The following PLEKHA2 variants were observed in gnomAD, a reference collection of about 807,000 sequenced individuals.
PLEKHA2 encodes the protein pleckstrin homology domain containing A2.
PLEKHA2 carries 28 observed loss-of-function variants against 53.2 expected under a neutral mutation model. The observed-to-expected ratio is 0.53, with a 90% CI of 0.39 to 0.72. PLEKHA2 has a LOEUF of 0.72. PLEKHA2 is among the 30% of genes least tolerant of loss of function. The pLI is 0.00. For synonymous variants in PLEKHA2, 193 were observed against 196.4 expected (o/e 0.98, Z 0.14); for missense variants, 426 against 537.9 (o/e 0.79, Z 2.06).
intron 2 of PLEKHA2, among the ~76,000 whole-genome samples, chr8:38,931,092 A>G (rs951226460): frequency 3.9e-5 from 6 of 152,166 alleles, no homozygotes; most frequent in Non-Finnish European, 7.4e-5. Flanking sequence ...AGCCTGGCCA[A>G]TATGGTGAAA....
In PLEKHA2 at chr8:38,957,367, C is replaced by G. The variant is rs748008932; in HGVS notation, c.818C>G (p.Ser273Cys). 2 of 1,613,214 alleles carry G rather than the reference C, an allele frequency of 1.2e-6. No homozygotes were observed. Among genetic ancestry groups the G allele is most frequent in the South Asian group, 2.2e-5 (2 of 91,072 alleles). Residue 273 changes from serine to cysteine, a missense_variant, in exon 10 of 12, where the codon TCC (serine) becomes TGC (cysteine). Coordinates refer to ENST00000617275, the MANE Select transcript of PLEKHA2 (RefSeq NM_021623.2). The part of the protein sequence containing the change: ...RDNLFEIITS[S>C]RTFYVQADSP... The stretch of plus-strand genomic sequence containing the variant: ...AACCTGTTTGAAATAATAACAAGCT[C>G]CAGGACCTTCTACGTACAGGTAAAA...
chr8:38,942,461 C>A lies in PLEKHA2; in HGVS notation c.199-1328C>A, dbSNP rs1359387689. Among the ~76,000 whole-genome samples, 6 of 152,278 alleles carry A rather than the reference C, an allele frequency of 3.9e-5. No homozygotes were observed. In the East Asian group the frequency reaches 9.7e-4, roughly 25 times the overall value. ...CTCAAAGAAAGAAAACCCAAAAAAA[C>A]CCCACAAACAAATAAAATAAAGTGG... On this transcript the variant is annotated intron_variant, in intron 3 of 11. Coordinates refer to ENST00000617275, the MANE Select transcript of PLEKHA2 (RefSeq NM_021623.2).
intron 1 of PLEKHA2, chr8:38,902,115 C>G (rs1253083356): frequency 6.6e-6 from 1 of 151,898 alleles, no homozygotes; most frequent in Non-Finnish European, 1.5e-5. Flanking sequence ...CTGTCGTTCT[C>G]TCTCTCACCA....
intron 2 of PLEKHA2, among the ~76,000 whole-genome samples, chr8:38,924,765 G>T (rs993600837): frequency 6.6e-6 from 1 of 152,206 alleles, no homozygotes; most frequent in African/African-American, 2.4e-5. Flanking sequence ...TACGGTGGGG[G>T]TGTGTTGGGG....
chr8:38,947,762 G>T (rs984816039), intron 5 of PLEKHA2, among the ~76,000 whole-genome samples: 2 of 152,024 alleles, frequency 1.3e-5, no homozygotes, highest in African/African-American at 4.8e-5. Context: ...CCAAGCTTCT[G>T]TGCCTCCTTT....
intron 1 of PLEKHA2, among the ~76,000 whole-genome samples, chr8:38,915,258 C>T (rs1056734668): frequency 3.9e-5 from 6 of 152,338 alleles, no homozygotes; most frequent in African/African-American, 1.4e-4. Context: ...GGACTTTGTT[C>T]TGATTCCTCA....
intron 1 of PLEKHA2, among the ~76,000 whole-genome samples, chr8:38,905,303 GA>G (rs139519082): frequency 3.5e-4 from 53 of 151,894 alleles, no homozygotes; most frequent in African/African-American, 1.2e-3. Flanking sequence ...ACAAAAAATT[GA>G]AAAATTAGCT....
At chr8:38,942,574 A>C (rs888345264) in intron 3 of PLEKHA2, among the ~76,000 whole-genome samples, 3 of 152,148 alleles carry the variant, frequency 2.0e-5, no homozygotes, top group Admixed American at 2.0e-4. Context: ...TCAGGGGAGG[A>C]CTGTGACATC....
Position 38,948,902 on chromosome 8 carries a change from G to A in PLEKHA2, c.346-1948G>A, listed in dbSNP as rs577438127. Among the ~76,000 whole-genome samples the A allele has an allele frequency of 6.8e-4, 104 of 152,224 alleles. 3 individuals carry two copies. In the South Asian group the frequency reaches 0.021, roughly 30 times the overall value. On this transcript the variant is annotated intron_variant, in intron 5 of 11. Transcript: ENST00000617275. The stretch of plus-strand genomic sequence containing the variant: ...TGTTTTTGTTTTGAAACGGAGTCTC[G>A]CTCTATAGCCCAGGCTGGAGTGCAA...
chr8:38,915,612 AT>A (rs1834046665), intron 1 of PLEKHA2, among the ~76,000 whole-genome samples: 1 of 152,212 alleles, frequency 6.6e-6, no homozygotes, highest in African/African-American at 2.4e-5. Flanking sequence ...ATATAGCCAC[AT>A]TTTGAGGGCC....
At chr8:38,909,004 G>A (rs1159306397) in intron 1 of PLEKHA2, among the ~76,000 whole-genome samples, 2 of 152,216 alleles carry the variant, frequency 1.3e-5, no homozygotes, top group East Asian at 1.9e-4. Context: ...TCAGCTGGGC[G>A]TGGTGGTGCA....
intron 10 of PLEKHA2, among the ~76,000 whole-genome samples, chr8:38,963,850 C>T (rs1835084699): frequency 6.6e-6 from 1 of 152,096 alleles, no homozygotes; most frequent in African/African-American, 2.4e-5. Flanking sequence ...TCTAGGTTAT[C>T]TGACCGAAAA....
intron 1 of PLEKHA2, among the ~76,000 whole-genome samples, chr8:38,906,632 C>A (rs1350849491): frequency 6.6e-6 from 1 of 152,356 alleles, no homozygotes; most frequent in East Asian, 1.9e-4. Context: ...TCCCGCCTTA[C>A]ACTATTTGGA....
intron 2 of PLEKHA2, among the ~76,000 whole-genome samples, chr8:38,926,921 A>AAACC (rs1010310372): frequency 7.9e-5 from 12 of 152,322 alleles, no homozygotes; most frequent in African/African-American, 2.6e-4. Flanking sequence ...ATCTCAAAAA[A>AAACC]AACCAACCAA....
chr8:38,922,198 A>T lies in PLEKHA2; in HGVS notation c.141+4128A>T, dbSNP rs952277088. 1.3e-5 allele frequency among the ~76,000 whole-genome samples: 2 copies of T among 152,166 alleles called. No individual in the cohort carries two copies. Among genetic ancestry groups the T allele is most frequent in the African/African-American group, 2.4e-5 (1 of 41,448 alleles). ...CAGGCGTCTAAGGGTGACTTGGAGGATGAAGAGCCTGCAAAGGTAGTTTCT... is the reference window on the plus strand; with the variant it reads ...CAGGCGTCTAAGGGTGACTTGGAGGTTGAAGAGCCTGCAAAGGTAGTTTCT... On this transcript the variant is annotated intron_variant, in intron 2 of 11. Coordinates refer to ENST00000617275, the MANE Select transcript of PLEKHA2 (RefSeq NM_021623.2). This position sits in a 1 kb window ranked among gnomAD's most constrained non-coding sequence, Gnocchi z 4.0.
At position 38,971,413 on chromosome 8, in the gene PLEKHA2, G is replaced by A. The variant is rs1206849814; in HGVS notation, c.*1630G>A. 2.0e-5 allele frequency: 3 copies of A among 152,536 alleles called. No individual in the cohort carries two copies. The highest frequency in any genetic ancestry group is 6.6e-5 in the Admixed American group (1 of 15,266). The allele number at this position is 152,536 out of a possible 1,614,324, so 9.4% of individuals were successfully genotyped here. ...ATCGAGGTTATGACATACTTGGAGC[G>A]GCATGATTTCAAGAAGCCATTCCAA... On this transcript the variant is annotated 3_prime_UTR_variant, in exon 12 of 12. Coordinates refer to ENST00000617275, the MANE Select transcript of PLEKHA2 (RefSeq NM_021623.2).
In PLEKHA2 at chr8:38,969,512, C is replaced by A; in HGVS notation, c.1007C>A (p.Pro336Gln). The A allele has an allele frequency of 6.2e-7, 1 of 1,613,724 alleles. No individual in the cohort carries two copies. Among genetic ancestry groups the A allele is most frequent in the South Asian group, 1.1e-5 (1 of 91,004 alleles). Reference sequence around the variant, plus strand: ...AACTCTATCCTGTGCAGGGGGCGGCCACCTTTGGAGGAAAAGAAAGCCCTC... The same window carrying A: ...AACTCTATCCTGTGCAGGGGGCGGCAACCTTTGGAGGAAAAGAAAGCCCTC... ...GPNSILCRGRPPLEEKKALCK... is the reference protein window; with the variant it reads ...GPNSILCRGRQPLEEKKALCK... Residue 336 changes from proline to glutamine, a missense_variant, in exon 12 of 12, where the codon CCA becomes CAA. Coordinates refer to ENST00000617275, the MANE Select transcript of PLEKHA2 (RefSeq NM_021623.2).
chr8:38,958,723 C>A (rs1834987149), intron 10 of PLEKHA2, among the ~76,000 whole-genome samples: 1 of 152,208 alleles, frequency 6.6e-6, no homozygotes, highest in African/African-American at 2.4e-5. Context: ...AAGGTTTAAC[C>A]TGTAGATTGC....
At chr8:38,944,801 C>T (rs1205583896) in intron 4 of PLEKHA2, among the ~76,000 whole-genome samples, 1 of 152,348 alleles carries the variant, frequency 6.6e-6, no homozygotes, top group South Asian at 2.1e-4. Flanking sequence ...CAAACCATAT[C>T]AATGTCCATC....
Sources: gnomAD v4.1 joint callset for allele counts (sites outside exome capture counted in the v4.1 genomes callset) on GRCh38, gnomAD v4.1.1 for gene constraint, Gnocchi (gnomAD v3.1) non-coding constraint, MANE v1.5 for transcripts, NCBI Gene and HGNC (gene_info 2026-07-23, HGNC 2026-07-21) for gene names.